DCAF6: variants seen among roughly 807,000 people sequenced by gnomAD.
DCAF6 encodes the protein DDB1 and CUL4 associated factor 6, also known as DDB1- and CUL4-associated factor 6.
Under a neutral mutation model 125.1 loss-of-function variants are expected in DCAF6, and 54 were observed. The observed-to-expected ratio is 0.43, with a 90% CI of 0.35 to 0.54. The LOEUF (loss-of-function observed/expected upper bound fraction) is 0.54. Ranked by LOEUF, DCAF6 falls within the 20% of genes least tolerant of loss-of-function variation. The pLI, the probability that DCAF6 is intolerant of heterozygous loss-of-function variation, is 0.01. For missense variants in DCAF6, 934 were observed against 1,161.7 expected (o/e 0.80, Z 2.85); for synonymous variants, 371 against 390.4 (o/e 0.95, Z 0.58).
chr1:168,004,446 A>G (rs969967258), intron 9 of DCAF6, 87 bp from the exon 10 acceptor site: 7 of 1,330,032 alleles, frequency 5.3e-6, no homozygotes, highest in Non-Finnish European at 6.3e-6. Context: ...GTGTAAATAT[A>G]AATGTGTTTT....
chr1:168,020,127 A>G (rs770181522), intron 11 of DCAF6, among the ~76,000 whole-genome samples: 1 of 152,190 alleles, frequency 6.6e-6, no homozygotes, highest in African/African-American at 2.4e-5. Context: ...AGTAATGATA[A>G]ACATTAAATG....
At chr1:167,914,836 T>C in the DCAF6 span, among the ~76,000 whole-genome samples, 1 of 152,232 alleles carries the variant, frequency 6.6e-6, no homozygotes, top group Non-Finnish European at 1.5e-5. Flanking sequence ...TGTTCTCCTA[T>C]AAAGCCCCGC....
At chr1:167,932,941 T>C (rs910158993), upstream of DCAF6, among the ~76,000 whole-genome samples, 6 of 152,138 alleles carry the variant, frequency 3.9e-5, no homozygotes, top group Admixed American at 6.6e-5. Flanking sequence ...CATATTTTTA[T>C]AGTCAGGTGG....
rs1682958347 is a variant in DCAF6 at position 168,003,767 on chromosome 1, AAAAAT to A, written c.998-101_998-97del. 1.6e-5 allele frequency: 17 copies of A among 1,059,214 alleles called. No individual in the cohort carries two copies. In the South Asian group the frequency reaches 3.2e-4, roughly 20 times the overall value. The allele number at this position is 1,059,214 out of a possible 1,614,324, so 65.6% of individuals were successfully genotyped here. ...AATTTATTTAGGAAATTTGATTTTT[AAAAAT>A]ATGCTTTCATTTTAAAGCCCTTCAA... On this transcript the variant is annotated intron_variant, in intron 8 of 21. Transcript: ENST00000367840.
At chr1:168,050,501 A>G (rs1362120807) in intron 16 of DCAF6, among the ~76,000 whole-genome samples, 1 of 152,206 alleles carries the variant, frequency 6.6e-6, no homozygotes, top group Admixed American at 6.5e-5. Context: ...GGCCAAGTGA[A>G]TTAGCTTAGG....
chr1:167,906,184 A>G, the DCAF6 span, among the ~76,000 whole-genome samples: 1 of 152,148 alleles, frequency 6.6e-6, no homozygotes, highest in Middle Eastern at 3.2e-3. Context: ...AACTCAGGGA[A>G]AAATATTTGT....
intron 4 of DCAF6, among the ~76,000 whole-genome samples, chr1:167,984,100 A>G (rs553288397): frequency 1.3e-5 from 2 of 152,306 alleles, no homozygotes; most frequent in African/African-American, 4.8e-5. Context: ...AGATCCAGTT[A>G]TTTGTCTTGA....
intron 8 of DCAF6, among the ~76,000 whole-genome samples, chr1:168,003,198 A>G (rs966738424): frequency 6.6e-6 from 1 of 152,214 alleles, no homozygotes; most frequent in African/African-American, 2.4e-5. Flanking sequence ...CTGATTTCAC[A>G]GAAAATGTAA....
chr1:167,952,693 TC>T (rs1170554134), intron 2 of DCAF6, among the ~76,000 whole-genome samples: 1 of 152,130 alleles, frequency 6.6e-6, no homozygotes, highest in African/African-American at 2.4e-5. Flanking sequence ...TCTCCCACCC[TC>T]TTTTCTCTCC....
chr1:167,936,548 G>C (rs1002505270), upstream of DCAF6: 20 of 279,694 alleles, frequency 7.2e-5, no homozygotes, highest in African/African-American at 4.4e-4. Flanking sequence ...TCAGTCCCCA[G>C]GGTGGTCGTC....
At chr1:167,912,905 T>C in the DCAF6 span, among the ~76,000 whole-genome samples, 1 of 152,242 alleles carries the variant, frequency 6.6e-6, no homozygotes, top group Non-Finnish European at 1.5e-5. Flanking sequence ...TAACTTGCTC[T>C]GGGTTATAAA....
At chr1:167,955,299 G>A (rs1674603092) in intron 2 of DCAF6, among the ~76,000 whole-genome samples, 1 of 152,150 alleles carries the variant, frequency 6.6e-6, no homozygotes, top group Non-Finnish European at 1.5e-5. Context: ...CCTTTGAGTG[G>A]AATGAATGGG....
chr1:167,886,121 C>T, the DCAF6 span, among the ~76,000 whole-genome samples: 1 of 152,268 alleles, frequency 6.6e-6, no homozygotes, highest in South Asian at 2.1e-4. Flanking sequence ...GGCCATACTG[C>T]TCAAGGTAAT....
chr1:168,054,603 A>G (rs1471261660), intron 17 of DCAF6, among the ~76,000 whole-genome samples: 1 of 152,132 alleles, frequency 6.6e-6, no homozygotes, highest in African/African-American at 2.4e-5. Context: ...TTATTTTTTA[A>G]TAACTTTTTT....
At chr1:167,864,191 A>G in the DCAF6 span, among the ~76,000 whole-genome samples, 1 of 152,104 alleles carries the variant, frequency 6.6e-6, no homozygotes, top group African/African-American at 2.4e-5. Flanking sequence ...TGCCCTTTTT[A>G]CCCGTTCTTT....
At chr1:167,972,957 A>G (rs758898038) in intron 3 of DCAF6, among the ~76,000 whole-genome samples, 12 of 152,228 alleles carry the variant, frequency 7.9e-5, no homozygotes, top group Admixed American at 2.6e-4. Context: ...ATTATAAATA[A>G]ACCTCTTAAG....
intron 11 of DCAF6, among the ~76,000 whole-genome samples, chr1:168,021,755 A>G (rs1685696476): frequency 6.6e-6 from 1 of 152,220 alleles, no homozygotes; most frequent in Non-Finnish European, 1.5e-5. Context: ...CAGGATTCAG[A>G]CTTTTAAATG....
chr1:168,039,650 A>G (rs1688248194), intron 13 of DCAF6, among the ~76,000 whole-genome samples: 1 of 147,464 alleles, frequency 6.8e-6, no homozygotes, highest in Non-Finnish European at 1.5e-5. Flanking sequence ...ATGACAATAT[A>G]TTAATTATTC....
intron 11 of DCAF6, among the ~76,000 whole-genome samples, chr1:168,020,569 A>T (rs530239589): frequency 6.6e-6 from 1 of 152,176 alleles, no homozygotes; most frequent in Non-Finnish European, 1.5e-5. Flanking sequence ...TAAGCTGACC[A>T]ACCATATTAC....
Sources: allele counts gnomAD v4.1 joint callset (sites outside exome capture counted in the v4.1 genomes callset), GRCh38; gene constraint gnomAD v4.1.1; transcripts MANE v1.5; gene names NCBI Gene and HGNC (gene_info 2026-07-23, HGNC 2026-07-21).